The following NCKAP5 variants were observed in gnomAD, a reference collection of about 807,000 sequenced individuals.
NCKAP5 encodes the protein NCK associated protein 5, also known as nck-associated protein 5.
NCKAP5 carries 92 observed loss-of-function variants against 167.0 expected under a neutral mutation model. That is an observed-to-expected ratio of 0.55 (90% CI 0.47 to 0.66). The LOEUF (loss-of-function observed/expected upper bound fraction) is 0.66. NCKAP5 is among the 30% of genes least tolerant of loss of function. NCKAP5 has a pLI of 0.00. For synonymous variants in NCKAP5, 891 were observed against 877.4 expected, an observed-to-expected ratio of 1.02 and a Z score of -0.27; for missense variants, 2,378 against 2,315.0, an observed-to-expected ratio of 1.03 and a Z score of -0.56.
intron 3 of NCKAP5, among the ~76,000 whole-genome samples, chr2:133,512,395 C>T (rs1683569184): frequency 6.6e-6 from 1 of 152,150 alleles, no homozygotes; most frequent in Admixed American, 6.5e-5. Context: ...ACAGGACTTT[C>T]AAAATTCCCA....
At chr2:133,401,612 G>C (rs1688102813) in intron 3 of NCKAP5, among the ~76,000 whole-genome samples, 1 of 152,126 alleles carries the variant, frequency 6.6e-6, no homozygotes, top group African/African-American at 2.4e-5. Context: ...CCACACATTT[G>C]GTGTCAGGAG....
chr2:133,113,538 T>G (rs1263779739), intron 6 of NCKAP5, among the ~76,000 whole-genome samples: 1 of 152,198 alleles, frequency 6.6e-6, no homozygotes, highest in Admixed American at 6.5e-5. Flanking sequence ...ACTCCGAGCC[T>G]CCTCTAGCCA....
intron 16 of NCKAP5, among the ~76,000 whole-genome samples, chr2:132,756,443 A>C (rs889074237): frequency 6.6e-6 from 1 of 152,176 alleles, no homozygotes; most frequent in Non-Finnish European, 1.5e-5. Context: ...TTAGACACGC[A>C]GAGAGACAGA....
intron 8 of NCKAP5, among the ~76,000 whole-genome samples, chr2:132,888,554 T>C (rs1186730030): frequency 6.6e-6 from 1 of 151,960 alleles, no homozygotes; most frequent in Non-Finnish European, 1.5e-5. Context: ...CATGCCCAGC[T>C]CATTTTTGTA....
chr2:133,108,067 T>C (rs1291495207), intron 6 of NCKAP5, among the ~76,000 whole-genome samples: 2 of 152,246 alleles, frequency 1.3e-5, no homozygotes, highest in Admixed American at 6.5e-5. Context: ...GAGATGATGA[T>C]AAGCATTTAA....
rs1318877173 is a variant in NCKAP5 at position 133,179,330 on chromosome 2, G to A, written c.207+34386C>T. 2.0e-5 allele frequency among the ~76,000 whole-genome samples: 3 copies of A among 150,690 alleles called. No individual in the cohort carries two copies. The East Asian group carries it at 5.9e-4, about 29-fold the overall frequency. ...AATGCTCCAACAAGCATTTCCTTTA[G>A]GTGGTATGTTGGCACTCAAAAAGTT... On this transcript the variant is annotated intron_variant, in intron 5 of 19. Transcript: ENST00000409261.
intron 19 of NCKAP5, among the ~76,000 whole-genome samples, chr2:132,709,186 A>G (rs1397162813): frequency 6.6e-6 from 1 of 152,108 alleles, no homozygotes; most frequent in African/African-American, 2.4e-5. Context: ...TTTAAAAAAA[A>G]GTTTTTAAAC....
chr2:133,056,073 G>C (rs947494984), intron 6 of NCKAP5, among the ~76,000 whole-genome samples: 2 of 152,122 alleles, frequency 1.3e-5, no homozygotes, highest in Non-Finnish European at 2.9e-5. Context: ...TTAACTTGTA[G>C]GTCAGGCAGG....
intron 3 of NCKAP5, among the ~76,000 whole-genome samples, chr2:133,425,435 T>C (rs1369509): frequency 0.26 from 39,009 of 152,022 alleles, 5,194 homozygotes; most frequent in African/African-American, 0.28. Flanking sequence ...GCTTATGGAT[T>C]ATATCAGAAA....
intron 6 of NCKAP5, among the ~76,000 whole-genome samples, chr2:133,089,230 T>C (rs1480322044): frequency 1.3e-5 from 2 of 152,194 alleles, no homozygotes; most frequent in Non-Finnish European, 2.9e-5. Flanking sequence ...CACAACACTT[T>C]GGGGAACATA....
At chr2:132,952,453 C>G (rs372809701) in intron 8 of NCKAP5, among the ~76,000 whole-genome samples, 65 of 152,230 alleles carry the variant, frequency 4.3e-4, no homozygotes, top group African/African-American at 1.2e-3. Flanking sequence ...GTCACAGACC[C>G]CCCCCACTCC....
rs565717049 is a variant in NCKAP5 at position 132,695,734 on chromosome 2, C to T, written c.5714-22429G>A. Among the ~76,000 whole-genome samples, 14 of 152,230 alleles carry T rather than the reference C, an allele frequency of 9.2e-5. No individual in the cohort carries two copies. In the South Asian group the frequency reaches 2.1e-3, roughly 23 times the overall value. On this transcript the variant is annotated intron_variant, in intron 19 of 19. Coordinates refer to ENST00000409261, the MANE Select transcript of NCKAP5 (RefSeq NM_207363.3). ...AAACAGGATCCAAGGATACTTTTAC[C>T]GTTCTGTTACCTCCAGCTCAGCCAC... is the stretch of plus-strand genomic sequence containing the variant.
intron 4 of NCKAP5, among the ~76,000 whole-genome samples, chr2:133,262,761 A>T (rs1173961758): frequency 6.6e-6 from 1 of 152,240 alleles, no homozygotes. Context: ...AACGTTTTAA[A>T]GGAACAAGGT....
intron 8 of NCKAP5, among the ~76,000 whole-genome samples, chr2:132,946,178 C>A (rs1697709344): frequency 6.6e-6 from 1 of 152,194 alleles, no homozygotes; most frequent in Non-Finnish European, 1.5e-5. Context: ...GTGATCCCCC[C>A]TCAGGTTGCC....
At chr2:133,322,300 T>G (rs1455688955) in intron 3 of NCKAP5, among the ~76,000 whole-genome samples, 1 of 152,070 alleles carries the variant, frequency 6.6e-6, no homozygotes, top group Non-Finnish European at 1.5e-5. Context: ...GCAAGAAAGT[T>G]CTATGCAGTA....
intron 4 of NCKAP5, among the ~76,000 whole-genome samples, chr2:133,291,146 G>A (rs917879843): frequency 2.0e-5 from 3 of 152,154 alleles, no homozygotes; most frequent in African/African-American, 7.2e-5. Flanking sequence ...TTGTCTCTAT[G>A]CTTTCAAGAT....
At chr2:133,609,596 A>C in the NCKAP5 span, among the ~76,000 whole-genome samples, 1 of 152,062 alleles carries the variant, frequency 6.6e-6, no homozygotes, top group Non-Finnish European at 1.5e-5. Flanking sequence ...TAAGTGGAGC[A>C]AAGTTGAGCT....
chr2:133,574,059 T>C, the NCKAP5 span, among the ~76,000 whole-genome samples: 8 of 151,966 alleles, frequency 5.3e-5, no homozygotes, highest in East Asian at 1.5e-3. Flanking sequence ...AGACTCTGAG[T>C]CCAATTTTCA....
At chr2:132,872,033 C>G (rs1327595853) in intron 9 of NCKAP5, among the ~76,000 whole-genome samples, 1 of 152,220 alleles carries the variant, frequency 6.6e-6, no homozygotes, top group Admixed American at 6.5e-5. Context: ...ATCACACACC[C>G]ATAGGCCCAG....
Sources: gnomAD v4.1 joint callset for allele counts (sites outside exome capture counted in the v4.1 genomes callset) on GRCh38, gnomAD v4.1.1 for gene constraint, MANE v1.5 for transcripts, NCBI Gene and HGNC (gene_info 2026-07-23, HGNC 2026-07-21) for gene names.